RHOBTB2: variants seen among roughly 807,000 people sequenced by gnomAD.
The protein encoded by RHOBTB2 is rho-related BTB domain-containing protein 2.
In RHOBTB2, 39 loss-of-function variants were observed where a neutral mutation model predicts 66.5. The observed-to-expected ratio is 0.59, with a 90% CI of 0.45 to 0.77. The LOEUF (loss-of-function observed/expected upper bound fraction) is 0.77. Among genes scored for constraint, RHOBTB2 ranks in the 30% least tolerant of loss-of-function variants. RHOBTB2 has a pLI of 0.00. For synonymous variants in RHOBTB2, 390 were observed against 395.0 expected (o/e 0.99, Z 0.15); for missense variants, 755 against 999.1 (o/e 0.76, Z 3.29).
intron 7 of RHOBTB2, 39 bp from the exon 8 acceptor site, chr8:23,014,651 T>G: frequency 1.3e-6 from 2 of 1,580,278 alleles, no homozygotes; most frequent in Non-Finnish European, 1.7e-6. Flanking sequence ...GCACAGGTCA[T>G]GTGCTTCTTC....
rs1204049306 is a variant in RHOBTB2 at position 23,018,523 on chromosome 8, G to GGAGTCGACTTT, written c.*1054_*1055insGAGTCGACTTT. On this transcript the variant is annotated 3_prime_UTR_variant, in exon 10 of 10. Transcript: ENST00000251822. ...TTTAGGTTGCAGAATCGACTCCAATGCCTTTCAGGAAAGGACTCGGCACTT... is the reference window on the plus strand; with the variant it reads ...TTTAGGTTGCAGAATCGACTCCAATGGAGTCGACTTTCCTTTCAGGAAAGGACTCGGCACTT... 6.6e-6 allele frequency: 1 copy of GGAGTCGACTTT among 152,382 alleles called. No homozygotes were observed. Among genetic ancestry groups the GGAGTCGACTTT allele is most frequent in the Non-Finnish European group, 1.5e-5 (1 of 68,080 alleles). 9.4% of individuals were successfully genotyped at this position (152,382 alleles called of 1,614,324 possible). A position where few individuals can be genotyped will look rare whatever the true frequency, so the allele number is the denominator to read the frequency against.
At chr8:22,959,149 C>A in the RHOBTB2 span, among the ~76,000 whole-genome samples, 1 of 152,362 alleles carries the variant, frequency 6.6e-6, no homozygotes, top group Non-Finnish European at 1.5e-5. Flanking sequence ...CTGTGTGTAG[C>A]CTGCCATAGC....
chr8:22,998,216 A>G (rs1025564703), upstream of RHOBTB2, among the ~76,000 whole-genome samples: 2 of 152,228 alleles, frequency 1.3e-5, no homozygotes, highest in Admixed American at 6.5e-5. Flanking sequence ...AGACAACACA[A>G]AATTCATTTT....
At chr8:22,970,309 G>C in the RHOBTB2 span, among the ~76,000 whole-genome samples, 1 of 152,146 alleles carries the variant, frequency 6.6e-6, no homozygotes, top group African/African-American at 2.4e-5. Flanking sequence ...GCCTCTTTTA[G>C]AAAGGCCTTG....
chr8:22,999,580 T>C lies in RHOBTB2; in HGVS notation c.-536T>C, dbSNP rs1810695559. ...GTCACGGCTGTCGTCTTGGGTGCGA[T>C]TTTTTTCTCCTCCTTTTTTTACCCT... On this transcript the variant is annotated 5_prime_UTR_variant, in exon 1 of 10. Transcript: ENST00000251822. 8.2e-7 allele frequency: 1 copy of C among 1,223,118 alleles called. No homozygotes were observed. Among genetic ancestry groups the C allele is most frequent in the South Asian group, 1.4e-5 (1 of 72,996 alleles). 75.8% of individuals were successfully genotyped at this position (1,223,118 alleles called of 1,614,324 possible).
chr8:22,969,016 A>T, the RHOBTB2 span, among the ~76,000 whole-genome samples: 9 of 152,368 alleles, frequency 5.9e-5, no homozygotes, highest in South Asian at 1.9e-3. Flanking sequence ...ATTTGTTTTA[A>T]CACTGCTGAT....
At chr8:23,000,211 C>T (rs1454275768) in intron 1 of RHOBTB2, 106 bp downstream of exon 1, 7 of 742,790 alleles carry the variant, frequency 9.4e-6, no homozygotes, top group Non-Finnish European at 1.2e-5. Flanking sequence ...GTTCCCCGGG[C>T]CCCGCTAGTC....
chr8:22,976,950 T>C, the RHOBTB2 span, among the ~76,000 whole-genome samples: 1 of 151,878 alleles, frequency 6.6e-6, no homozygotes, highest in Non-Finnish European at 1.5e-5. Flanking sequence ...AATGAAAATA[T>C]ACATATCAAG....
the RHOBTB2 span, among the ~76,000 whole-genome samples, chr8:22,953,056 CCT>C: frequency 1.3e-5 from 2 of 152,180 alleles, no homozygotes; most frequent in African/African-American, 4.8e-5. Context: ...TCCCTTCTCC[CCT>C]GATTTTTCCC....
At chr8:22,986,443 G>T (rs1015421931), upstream of RHOBTB2, among the ~76,000 whole-genome samples, 1 of 151,574 alleles carries the variant, frequency 6.6e-6, no homozygotes, top group African/African-American at 2.4e-5. Flanking sequence ...ATTTTTTGTA[G>T]AGACGGGGTT....
At chr8:22,961,021 G>C in the RHOBTB2 span, among the ~76,000 whole-genome samples, 154 of 152,206 alleles carry the variant, frequency 1.0e-3, 1 homozygote, top group African/African-American at 3.6e-3. Context: ...GCCTAAGAAT[G>C]CTTCTGTACC....
rs1210736442 is a variant in RHOBTB2 at position 23,015,718 on chromosome 8, C to G, written c.1941C>G (p.Pro647=). The change falls in exon 9 of 10, where the codon CCC becomes CCG. Residue 647 remains proline, a synonymous_variant. Coordinates refer to ENST00000251822, the MANE Select transcript of RHOBTB2 (RefSeq NM_015178.3). ...ACAACAACGTGTGCCGCAAGTTCCC[C>G]CGAGACATGAAGGCCATGTCCCCAG... The part of the protein sequence containing the change: ...TNYNNVCRKF[P]RDMKAMSPEN... The G allele has an allele frequency of 6.2e-7, 1 of 1,613,844 alleles. No individual in the cohort carries two copies.
Position 23,007,672 on chromosome 8 carries a change from A to C in RHOBTB2, c.1427A>C (p.Gln476Pro). The C allele has an allele frequency of 6.2e-7, 1 of 1,614,198 alleles. No homozygotes were observed. ...NILNNEAFMN[Q>P]EITKAFHVRR... Reference sequence around the variant, plus strand: ...CTCAACAATGAGGCCTTCATGAACCAGGAGATCACCAAGGCCTTCCACGTC... The same window carrying C: ...CTCAACAATGAGGCCTTCATGAACCCGGAGATCACCAAGGCCTTCCACGTC... The change falls in exon 5 of 10, where the codon CAG becomes CCG. Residue 476 changes from glutamine (Q) to proline (P), a missense_variant. By Grantham distance (76) the Gln-to-Pro change is moderately conservative. Around this residue, in one of 7 missense-constraint regions of RHOBTB2, gnomAD observed 353 missense variants for 458.2 expected, o/e 0.77. Coordinates refer to ENST00000251822, the MANE Select transcript of RHOBTB2 (RefSeq NM_015178.3).
At position 23,004,237 on chromosome 8, in the gene RHOBTB2, A is replaced by T; in HGVS notation, c.-10-188A>T. 2 of 610,988 alleles carry T rather than the reference A, an allele frequency of 3.3e-6. No homozygotes were observed. The highest frequency in any genetic ancestry group is 5.9e-6 in the Non-Finnish European group (2 of 341,100). The allele number at this position is 610,988 out of a possible 1,614,324, so 37.8% of individuals were successfully genotyped here. On this transcript the variant is annotated intron_variant, in intron 1 of 9. Transcript: ENST00000251822. This position sits in a 1 kb window ranked among gnomAD's most constrained non-coding sequence, Gnocchi z 6.4. The stretch of plus-strand genomic sequence containing the variant: ...TGGTGACACTGCTCCTCTCAGCCTG[A>T]ATGGGCTCCTGGCCCCTTGGACCCT...
At position 23,006,397 on chromosome 8, in the gene RHOBTB2, T is replaced by C. The variant is rs1280904848; in HGVS notation, c.482+252T>C. 9.0e-6 allele frequency: 5 copies of C among 553,594 alleles called. No homozygotes were observed. Among genetic ancestry groups the C allele is most frequent in the Non-Finnish European group, 1.6e-5 (5 of 312,570 alleles). 34.3% of individuals were successfully genotyped at this position (553,594 alleles called of 1,614,324 possible). A position where few individuals can be genotyped will look rare whatever the true frequency, so the allele number is the denominator to read the frequency against. On this transcript the variant is annotated intron_variant, in intron 4 of 9. Coordinates refer to ENST00000251822, the MANE Select transcript of RHOBTB2 (RefSeq NM_015178.3). The surrounding 1 kb of genome is among the most constrained non-coding windows in gnomAD (Gnocchi z 6.1). ...AAGAGGTGATATTTGCATGAAAAAG[T>C]CCTATAATTTTGCTGAGGGATAAAC...
chr8:23,013,110 T>C (rs985235321), intron 7 of RHOBTB2, among the ~76,000 whole-genome samples: 11 of 151,906 alleles, frequency 7.2e-5, no homozygotes, highest in Admixed American at 6.5e-4. Flanking sequence ...AATTTTTAAA[T>C]TTTTTGCAGA....
Position 23,006,855 on chromosome 8 carries a change from A to G in RHOBTB2, c.610A>G (p.Ile204Val), listed in dbSNP as rs1404884399. ...FGIKDVFDNA[I>V]RAALISRRHL... ...CATCAAGGACGTCTTTGACAACGCCATCCGAGCTGCACTCATCTCCCGCCG... is the reference window on the plus strand; with the variant it reads ...CATCAAGGACGTCTTTGACAACGCCGTCCGAGCTGCACTCATCTCCCGCCG... The change falls in exon 5 of 10, where the codon ATC (isoleucine) becomes GTC (valine). Residue 204 changes from isoleucine (I) to valine (V), a missense_variant. Coordinates refer to ENST00000251822, the MANE Select transcript of RHOBTB2 (RefSeq NM_015178.3). This position sits in a 1 kb window ranked among gnomAD's most constrained non-coding sequence, Gnocchi z 6.1. 1 of 1,614,116 alleles carries G rather than the reference A, an allele frequency of 6.2e-7. No individual in the cohort carries two copies. Among genetic ancestry groups the G allele is most frequent in the East Asian group, 2.2e-5 (1 of 44,886 alleles).
At chr8:22,951,417 C>T in the RHOBTB2 span, among the ~76,000 whole-genome samples, 1 of 152,056 alleles carries the variant, frequency 6.6e-6, no homozygotes, top group East Asian at 1.9e-4. Context: ...ACCAAGCAGG[C>T]TTTGTGTGAG....
rs1811331923 is a variant in RHOBTB2, at chr8:23,017,500, T to A, written c.*31T>A. ...TGCCACCCTCTTCTGACCCTGCTGC[T>A]GTTGTCCCCATCCGCCTTCACCCCT... On this transcript the variant is annotated 3_prime_UTR_variant, in exon 10 of 10. Coordinates refer to ENST00000251822, the MANE Select transcript of RHOBTB2 (RefSeq NM_015178.3). The surrounding 1 kb of genome is among the most constrained non-coding windows in gnomAD (Gnocchi z 5.3). The A allele has an allele frequency of 6.4e-7, 1 of 1,556,202 alleles. No individual in the cohort carries two copies. The highest frequency in any genetic ancestry group is 8.7e-7 in the Non-Finnish European group (1 of 1,150,040).
Sources: allele counts gnomAD v4.1 joint callset (sites outside exome capture counted in the v4.1 genomes callset), GRCh38; gene constraint gnomAD v4.1.1; regional missense constraint gnomAD v4.1.1; non-coding constraint Gnocchi (gnomAD v3.1); transcripts MANE v1.5; gene names NCBI Gene and HGNC (gene_info 2026-07-23, HGNC 2026-07-21).